Variants in MYO1D observed in about 807,000 individuals in gnomAD.
MYO1D encodes myosin ID, also known as unconventional myosin-Id.
A neutral mutation model predicts 122.0 loss-of-function variants in MYO1D; 83 were observed. The observed-to-expected ratio is 0.68, with a 90% CI of 0.57 to 0.82. MYO1D has a LOEUF of 0.82. MYO1D is among the 40% of genes least tolerant of loss of function. The pLI is 0.00. For synonymous variants in MYO1D, 464 were observed against 446.9 expected (o/e 1.04, Z -0.48); for missense variants, 1,157 against 1,269.5 (o/e 0.91, Z 1.35).
At chr17:32,656,747 G>T (rs993050163) in intron 17 of MYO1D, among the ~76,000 whole-genome samples, 1 of 152,190 alleles carries the variant, frequency 6.6e-6, no homozygotes, top group Admixed American at 6.5e-5. Context: ...TAGAGCAGTT[G>T]GTGGTCAAAG....
chr17:32,610,866 G>C (rs557186856), intron 20 of MYO1D, among the ~76,000 whole-genome samples: 2 of 152,274 alleles, frequency 1.3e-5, no homozygotes, highest in Admixed American at 1.3e-4. Context: ...ACACATAGAT[G>C]CGTTTCTCCG....
At chr17:32,566,727 G>A (rs2087176909) in intron 21 of MYO1D, among the ~76,000 whole-genome samples, 1 of 151,072 alleles carries the variant, frequency 6.6e-6, no homozygotes, top group South Asian at 2.1e-4. Context: ...CCGAATCACA[G>A]GGAGTGCTAG....
intron 16 of MYO1D, among the ~76,000 whole-genome samples, chr17:32,663,389 G>A (rs904147749): frequency 1.3e-5 from 2 of 152,150 alleles, no homozygotes; most frequent in African/African-American, 4.8e-5. Context: ...ATGGACTGGT[G>A]TCCATGGTTT....
At chr17:32,820,699 C>G (rs1240367525) in intron 1 of MYO1D, among the ~76,000 whole-genome samples, 1 of 152,124 alleles carries the variant, frequency 6.6e-6, no homozygotes. Context: ...AGGGTAGAAA[C>G]TTTCAGTTAT....
intron 16 of MYO1D, among the ~76,000 whole-genome samples, chr17:32,672,450 T>C (rs141075125): frequency 1.2e-3 from 184 of 152,330 alleles, no homozygotes; most frequent in African/African-American, 4.3e-3. Context: ...ATTCTTCATA[T>C]ATACGCAGAT....
intron 17 of MYO1D, among the ~76,000 whole-genome samples, chr17:32,656,305 A>C (rs770094268): frequency 1.1e-4 from 16 of 152,226 alleles, no homozygotes; most frequent in Non-Finnish European, 2.2e-4. Flanking sequence ...ATTTATAACA[A>C]CACCAGAAAA....
At chr17:32,812,638 A>C (rs1391171244) in intron 1 of MYO1D, among the ~76,000 whole-genome samples, 2 of 152,184 alleles carry the variant, frequency 1.3e-5, no homozygotes, top group African/African-American at 4.8e-5. Flanking sequence ...GGTCAAGGGA[A>C]GGAGTACTGA....
At chr17:32,764,851 G>A (rs748223363) in intron 8 of MYO1D, 27 bp downstream of exon 8, 2 of 1,610,922 alleles carry the variant, frequency 1.2e-6, no homozygotes, top group African/African-American at 1.3e-5. Context: ...TCAACACCAG[G>A]TGACATAGGG....
At chr17:32,708,083 A>C (rs1462485255) in intron 16 of MYO1D, among the ~76,000 whole-genome samples, 1 of 152,214 alleles carries the variant, frequency 6.6e-6, no homozygotes, top group African/African-American at 2.4e-5. Context: ...AGTCCTGTGA[A>C]TCCTTCTAGT....
At chr17:32,677,014 G>A (rs757862421) in intron 16 of MYO1D, among the ~76,000 whole-genome samples, 108 of 152,152 alleles carry the variant, frequency 7.1e-4, no homozygotes, top group Non-Finnish European at 1.4e-3. Context: ...GTTTCACTGT[G>A]TTAGCCAGGA....
intron 21 of MYO1D, among the ~76,000 whole-genome samples, chr17:32,516,008 T>G (rs1337589855): frequency 6.6e-6 from 1 of 152,238 alleles, no homozygotes; most frequent in Non-Finnish European, 1.5e-5. Flanking sequence ...ATGCTGGTAA[T>G]GACAGAGGCA....
At chr17:32,625,907 G>A (rs2087921782) in intron 20 of MYO1D, among the ~76,000 whole-genome samples, 1 of 152,168 alleles carries the variant, frequency 6.6e-6, no homozygotes, top group Admixed American at 6.5e-5. Flanking sequence ...AACTGGCCTA[G>A]GTCAAACACA....
At chr17:32,725,852 GA>G (rs907355365) in intron 14 of MYO1D, among the ~76,000 whole-genome samples, 2 of 151,706 alleles carry the variant, frequency 1.3e-5, no homozygotes, top group Non-Finnish European at 2.9e-5. Context: ...CAGCCAGAGG[GA>G]AAAAAAAGAT....
chr17:32,872,358 C>T (rs551426846), intron 1 of MYO1D, among the ~76,000 whole-genome samples: 182 of 152,150 alleles, frequency 1.2e-3, no homozygotes, highest in African/African-American at 4.0e-3. Flanking sequence ...CTGCCAGCTC[C>T]ACCTCCCAGG....
At chr17:32,673,413 C>T (rs1269879143) in intron 16 of MYO1D, among the ~76,000 whole-genome samples, 1 of 151,992 alleles carries the variant, frequency 6.6e-6, no homozygotes, top group African/African-American at 2.4e-5. Context: ...CAACATGCTA[C>T]ATTTTTTAAT....
chr17:32,810,558 A>G (rs567865508), intron 1 of MYO1D, among the ~76,000 whole-genome samples: 74 of 151,400 alleles, frequency 4.9e-4, no homozygotes, highest in Non-Finnish European at 9.4e-4. Flanking sequence ...GCTCACCGCA[A>G]TCTCTGCCTC....
At chr17:32,539,277 AC>A (rs1404732054) in intron 21 of MYO1D, among the ~76,000 whole-genome samples, 2 of 2,110 alleles carry the variant, frequency 9.5e-4, no homozygotes, top group African/African-American at 2.9e-3. Context: ...CCCTGTCTCT[AC>A]ACACACACAC....
At chr17:32,726,049 C>T (rs2089568658) in intron 14 of MYO1D, among the ~76,000 whole-genome samples, 1 of 152,104 alleles carries the variant, frequency 6.6e-6, no homozygotes, top group Non-Finnish European at 1.5e-5. Context: ...TAAACAAAAA[C>T]AACATTTGTC....
chr17:32,646,681 T>C (rs2088299567), intron 19 of MYO1D, among the ~76,000 whole-genome samples: 1 of 152,146 alleles, frequency 6.6e-6, no homozygotes, highest in African/African-American at 2.4e-5. Context: ...AAAGCAGCAA[T>C]TGTATGAAAA....
Sources: allele counts gnomAD v4.1 joint callset (sites outside exome capture counted in the v4.1 genomes callset), GRCh38; gene constraint gnomAD v4.1.1; transcripts MANE v1.5; gene names NCBI Gene and HGNC (gene_info 2026-07-23, HGNC 2026-07-21).